PEX7: variants seen among roughly 807,000 people sequenced by gnomAD.
The protein encoded by PEX7 is peroxisomal biogenesis factor 7, also known as PTS2 receptor.
PEX7 carries 34 observed loss-of-function variants against 47.5 expected under a neutral mutation model. That is an observed-to-expected ratio of 0.72 (90% confidence interval 0.54 to 0.95). PEX7 has a LOEUF of 0.95. PEX7 is among the 40% of genes least tolerant of loss of function. The pLI is 0.00. For missense variants in PEX7, 394 were observed against 400.3 expected, an observed-to-expected ratio of 0.98 and a Z score of 0.13; for synonymous variants, 141 against 148.8, an observed-to-expected ratio of 0.95 and a Z score of 0.38.
In PEX7 at chr6:136,822,633, CCGGGGCAGCGAGGGCCGGGGGCGGCGGG is replaced by C. The variant is rs1774095088; in HGVS notation, c.-28_-1del. ...CTCCGACTCGGAACGGCTTCCGCGG[CCGGGGCAGCGAGGGCCGGGGGCGGCGGG>C]CGGGATGAGTGCGGTGTGCGGTGGA... On this transcript the variant is annotated 5_prime_UTR_variant, in exon 1 of 10. Coordinates refer to ENST00000318471, the MANE Select transcript of PEX7 (RefSeq NM_000288.4). 1 of 1,521,146 alleles carries C rather than the reference CCGGGGCAGCGAGGGCCGGGGGCGGCGGG, an allele frequency of 6.6e-7. No individual in the cohort carries two copies. Among genetic ancestry groups the C allele is most frequent in the Middle Eastern group, 2.1e-4 (1 of 4,868 alleles). The allele number at this position is 1,521,146 out of a possible 1,614,324, so 94.2% of individuals were successfully genotyped here.
chr6:136,839,546 A>G (rs1274211870), intron 3 of PEX7, among the ~76,000 whole-genome samples: 1 of 152,218 alleles, frequency 6.6e-6, no homozygotes, highest in Non-Finnish European at 1.5e-5. Context: ...TGCCAAGAGT[A>G]ATTTAATCAG....
chr6:136,882,878 G>C (rs7750763), intron 8 of PEX7, among the ~76,000 whole-genome samples: 82,071 of 151,888 alleles, frequency 0.54, 22,545 homozygotes, highest in African/African-American at 0.63. Context: ...TTTAGTGTCC[G>C]CATAAGCTTC....
chr6:136,908,997 A>T (rs1775890878), intron 9 of PEX7, among the ~76,000 whole-genome samples: 1 of 152,140 alleles, frequency 6.6e-6, no homozygotes, highest in African/African-American at 2.4e-5. Flanking sequence ...GCCTACTTTT[A>T]TGGGACCCCA....
Position 136,863,313 on chromosome 6 carries a change from A to G in PEX7, c.527-3314A>G, listed in dbSNP as rs149056860. Among the ~76,000 whole-genome samples the G allele has an allele frequency of 6.6e-5, 10 of 152,268 alleles. No homozygotes were observed. The East Asian group carries it at 1.7e-3, about 27-fold the overall frequency. The stretch of plus-strand genomic sequence containing the variant: ...TGGTCTGAGCAAGGAATGAGGTGCT[A>G]TGGACGGAGGTACCATCCTTAGCTA... On this transcript the variant is annotated intron_variant, in intron 5 of 9. Coordinates refer to ENST00000318471, the MANE Select transcript of PEX7 (RefSeq NM_000288.4).
chr6:136,864,789 T>TA (rs1224651817), intron 5 of PEX7, among the ~76,000 whole-genome samples: 4 of 152,180 alleles, frequency 2.6e-5, no homozygotes, highest in Admixed American at 2.0e-4. Context: ...ATGAAATTCT[T>TA]AGACAGCGCT....
chr6:136,908,300 T>C (rs1212265488), intron 9 of PEX7, among the ~76,000 whole-genome samples: 1 of 152,192 alleles, frequency 6.6e-6, no homozygotes, highest in East Asian at 1.9e-4. Context: ...ATGAAATAAT[T>C]AAAAATAGAA....
Position 136,870,262 on chromosome 6 carries a change from A to T in PEX7, c.747+259A>T, listed in dbSNP as rs77267234. Among the ~76,000 whole-genome samples the T allele has an allele frequency of 0.016, 2,418 of 152,258 alleles. 64 individuals are homozygous for T. Among genetic ancestry groups the T allele is most frequent in the African/African-American group, 0.055 (2,300 of 41,554 alleles). On this transcript the variant is annotated intron_variant, in intron 7 of 9. Coordinates refer to ENST00000318471, the MANE Select transcript of PEX7 (RefSeq NM_000288.4). ...TCTTTTTCTCATTCTTTCACCTCCA[A>T]TCTGTTTTTCCTTTAATATATTTTT... is the stretch of plus-strand genomic sequence containing the variant.
chr6:136,906,015 G>T (rs192228083), intron 9 of PEX7, among the ~76,000 whole-genome samples: 255 of 152,268 alleles, frequency 1.7e-3, no homozygotes, highest in Non-Finnish European at 2.4e-3. Flanking sequence ...GCACTTATTT[G>T]TACCTTTACC....
At chr6:136,858,340 T>C (rs140792677) in intron 5 of PEX7, among the ~76,000 whole-genome samples, 193 of 152,244 alleles carry the variant, frequency 1.3e-3, no homozygotes, top group Middle Eastern at 6.8e-3. Context: ...GCCTTTGCAG[T>C]GTATATGTGC....
chr6:136,836,203 T>A (rs925688687), intron 3 of PEX7, among the ~76,000 whole-genome samples: 19 of 143,826 alleles, frequency 1.3e-4, no homozygotes, highest in Admixed American at 1.3e-3. Flanking sequence ...GGTAGAGCTA[T>A]GTAAATATAT....
intron 3 of PEX7, chr6:136,829,954 A>G: frequency 2.9e-6 from 2 of 697,094 alleles, no homozygotes; most frequent in Non-Finnish European, 5.2e-6. Context: ...AGTTATTAAA[A>G]AAAAAAGTTG....
At chr6:136,823,613 C>T (rs1365288382) in intron 1 of PEX7, among the ~76,000 whole-genome samples, 8 of 151,956 alleles carry the variant, frequency 5.3e-5, no homozygotes, top group Non-Finnish European at 7.4e-5. Context: ...AGGCCAAGCG[C>T]CGTGCGGTGG....
intron 9 of PEX7, among the ~76,000 whole-genome samples, chr6:136,906,156 G>A (rs763338142): frequency 6.6e-6 from 1 of 152,244 alleles, no homozygotes; most frequent in East Asian, 1.9e-4. Context: ...CCTGAAATAC[G>A]TTAAAGGTAG....
At chr6:136,890,210 A>G (rs1336310488) in intron 8 of PEX7, among the ~76,000 whole-genome samples, 1 of 152,228 alleles carries the variant, frequency 6.6e-6, no homozygotes, top group Non-Finnish European at 1.5e-5. Flanking sequence ...TTTCATCCTA[A>G]ATAAAATTCA....
intron 5 of PEX7, among the ~76,000 whole-genome samples, chr6:136,854,818 G>A (rs1050810499): frequency 1.3e-5 from 2 of 152,156 alleles, no homozygotes; most frequent in Non-Finnish European, 2.9e-5. Flanking sequence ...CAGGCATGGT[G>A]GCTCACATCT....
intron 5 of PEX7, among the ~76,000 whole-genome samples, chr6:136,847,814 T>A (rs1661901529): frequency 6.6e-6 from 1 of 152,150 alleles, no homozygotes; most frequent in Non-Finnish European, 1.5e-5. Flanking sequence ...CCTAGGATTG[T>A]CTTGGCAATG....
intron 3 of PEX7, among the ~76,000 whole-genome samples, chr6:136,842,280 C>T (rs986039981): frequency 6.6e-6 from 1 of 152,228 alleles, no homozygotes. Flanking sequence ...CAGGCGTGAG[C>T]CACCACACTC....
chr6:136,870,313 A>G (rs984658946), intron 7 of PEX7, among the ~76,000 whole-genome samples: 5 of 152,120 alleles, frequency 3.3e-5, no homozygotes, highest in African/African-American at 9.7e-5. Flanking sequence ...CACTTTTAGT[A>G]TTATGTTCTT....
intron 8 of PEX7, among the ~76,000 whole-genome samples, chr6:136,883,104 T>C (rs1449564245): frequency 6.6e-6 from 1 of 152,226 alleles, no homozygotes; most frequent in Non-Finnish European, 1.5e-5. Context: ...TTATGCTTGC[T>C]AAGGAATTCA....
Sources: allele counts gnomAD v4.1 joint callset (sites outside exome capture counted in the v4.1 genomes callset), GRCh38; gene constraint gnomAD v4.1.1; transcripts MANE v1.5; gene names NCBI Gene and HGNC (gene_info 2026-07-23, HGNC 2026-07-21).